GRIP1: variants seen among roughly 807,000 people sequenced by gnomAD.
GRIP1 encodes glutamate receptor interacting protein 1.
GRIP1 carries 45 observed loss-of-function variants against 129.9 expected under a neutral mutation model. The ratio of observed to expected loss-of-function variants is 0.35; its 90% CI spans 0.27 to 0.44. GRIP1 has a LOEUF of 0.44. GRIP1 is among the 20% of genes least tolerant of loss of function. GRIP1 has a pLI of 1.00. For missense variants in GRIP1, 1,196 were observed against 1,396.8 expected, an observed-to-expected ratio of 0.86 and a Z score of 2.29; for synonymous variants, 530 against 520.8, an observed-to-expected ratio of 1.02 and a Z score of -0.24.
At chr12:66,590,900 C>T (rs564339575) in intron 2 of GRIP1, among the ~76,000 whole-genome samples, 1 of 152,308 alleles carries the variant, frequency 6.6e-6, no homozygotes, top group Non-Finnish European at 1.5e-5. Context: ...CAACAGAGAA[C>T]TTGTTGCACT....
chr12:66,953,025 A>C (rs1189576869), intron 1 of GRIP1, among the ~76,000 whole-genome samples: 5 of 152,362 alleles, frequency 3.3e-5, no homozygotes, highest in African/African-American at 9.6e-5. Flanking sequence ...CTGCAACCCA[A>C]ATCAGAAGGG....
At chr12:66,829,317 C>G (rs988020876) in intron 1 of GRIP1, among the ~76,000 whole-genome samples, 3 of 152,052 alleles carry the variant, frequency 2.0e-5, no homozygotes, top group African/African-American at 7.2e-5. Context: ...CAGCAGCCAT[C>G]AAAAACTGGG....
chr12:66,645,562 T>C (rs2032293492), intron 1 of GRIP1, among the ~76,000 whole-genome samples: 1 of 152,188 alleles, frequency 6.6e-6, no homozygotes, highest in African/African-American at 2.4e-5. Context: ...AGCCAGAGCT[T>C]TGCCACTCAA....
At chr12:66,959,072 T>C (rs2137526239) in intron 1 of GRIP1, among the ~76,000 whole-genome samples, 1 of 152,352 alleles carries the variant, frequency 6.6e-6, no homozygotes, top group Non-Finnish European at 1.5e-5. Context: ...TTTAAAAATG[T>C]TAGTCTATAT....
chr12:66,658,160 C>CA (rs921422996), intron 1 of GRIP1, among the ~76,000 whole-genome samples: 1 of 151,586 alleles, frequency 6.6e-6, no homozygotes, highest in African/African-American at 2.4e-5. Context: ...TTTGTTAATG[C>CA]AAAAAAACCT....
intron 1 of GRIP1, among the ~76,000 whole-genome samples, chr12:66,929,766 T>G (rs1170293387): frequency 6.6e-6 from 1 of 152,202 alleles, no homozygotes; most frequent in African/African-American, 2.4e-5. Context: ...CTTGTCTTAT[T>G]CACATTTGCA....
intron 1 of GRIP1, among the ~76,000 whole-genome samples, chr12:66,625,176 G>A (rs1225686999): frequency 6.6e-6 from 1 of 152,036 alleles, no homozygotes; most frequent in Non-Finnish European, 1.5e-5. Flanking sequence ...GTGACCAGAT[G>A]GGCTGCCATG....
chr12:66,655,889 G>A (rs1262059954), intron 1 of GRIP1, among the ~76,000 whole-genome samples: 2 of 152,032 alleles, frequency 1.3e-5, no homozygotes, highest in African/African-American at 4.8e-5. Context: ...GTGAGCCACC[G>A]CACCTGGCCT....
At chr12:66,728,345 G>A (rs910175040) in intron 1 of GRIP1, among the ~76,000 whole-genome samples, 2 of 152,090 alleles carry the variant, frequency 1.3e-5, no homozygotes, top group African/African-American at 2.4e-5. Flanking sequence ...GGGCTGCAAC[G>A]GCTCATCACA....
intron 1 of GRIP1, among the ~76,000 whole-genome samples, chr12:66,923,667 C>A (rs1441670566): frequency 6.6e-6 from 1 of 152,162 alleles, no homozygotes; most frequent in Non-Finnish European, 1.5e-5. Context: ...AGAGTAAGAA[C>A]CCAGTTCCAG....
intron 4 of GRIP1, among the ~76,000 whole-genome samples, chr12:66,531,255 ATATATATATAT>A (rs2061450104): frequency 2.9e-3 from 14 of 4,818 alleles, no homozygotes; most frequent in South Asian, 0.02. Context: ...AAAAAAAAAT[ATATATATATAT>A]ATATATATAT....
intron 1 of GRIP1, among the ~76,000 whole-genome samples, chr12:66,915,065 C>A (rs776747651): frequency 2.0e-5 from 3 of 152,150 alleles, no homozygotes; most frequent in Non-Finnish European, 4.4e-5. Context: ...TTTACCTGAT[C>A]TTGAGGGAAT....
chr12:67,069,175 C>T (rs1169706735), upstream of GRIP1: 11 of 906,424 alleles, frequency 1.2e-5, no homozygotes, highest in Non-Finnish European at 1.5e-5. Flanking sequence ...CGGGGCTCTC[C>T]GCGCCTCCTC....
chr12:66,725,970 T>A (rs1417530715), intron 1 of GRIP1, among the ~76,000 whole-genome samples: 1 of 152,136 alleles, frequency 6.6e-6, no homozygotes, highest in African/African-American at 2.4e-5. Context: ...GATCACAAAG[T>A]GAATAAATAG....
intron 1 of GRIP1, among the ~76,000 whole-genome samples, chr12:66,949,888 C>G (rs369452795): frequency 1.3e-5 from 2 of 151,556 alleles, no homozygotes; most frequent in Admixed American, 1.3e-4. Flanking sequence ...CTGCCTCAGC[C>G]CCCCCGAGTA....
intron 1 of GRIP1, among the ~76,000 whole-genome samples, chr12:66,904,216 T>C (rs2040890430): frequency 6.6e-6 from 1 of 152,196 alleles, no homozygotes; most frequent in Admixed American, 6.5e-5. Context: ...GGCACTGTAG[T>C]ATAATCTTAG....
chr12:66,827,387 T>TGTGTGTGAGAGAGAGAGAGAGA (rs755458052), intron 1 of GRIP1, among the ~76,000 whole-genome samples: 14 of 108,292 alleles, frequency 1.3e-4, no homozygotes, highest in Admixed American at 1.9e-4. Flanking sequence ...TGTGTGTGTG[T>TGTGTGTGAGAGAGAGAGAGAGA]GAGAGAGAGA....
chr12:66,961,630 C>CCTTTCT (rs1196697802), intron 1 of GRIP1, among the ~76,000 whole-genome samples: 1 of 152,096 alleles, frequency 6.6e-6, no homozygotes, highest in African/African-American at 2.4e-5. Context: ...TAATCAGCTG[C>CCTTTCT]CTTTCTCTTT....
At chr12:66,697,561 GC>G (rs1465643140) in intron 1 of GRIP1, among the ~76,000 whole-genome samples, 2 of 152,114 alleles carry the variant, frequency 1.3e-5, no homozygotes, top group African/African-American at 4.8e-5. Flanking sequence ...CTCACTTGGG[GC>G]TCAATTTGGG....
Sources: gnomAD v4.1 joint callset for allele counts (sites outside exome capture counted in the v4.1 genomes callset) on GRCh38, gnomAD v4.1.1 for gene constraint, MANE v1.5 for transcripts, NCBI Gene and HGNC (gene_info 2026-07-23, HGNC 2026-07-21) for gene names.